The following PRKCA variants were observed in gnomAD, a reference collection of about 807,000 sequenced individuals.
The protein encoded by PRKCA is protein kinase C alpha.
Under a neutral mutation model 87.0 loss-of-function variants are expected in PRKCA, and 27 were observed. The ratio of observed to expected loss-of-function variants is 0.31; its 90% CI spans 0.23 to 0.43. The LOEUF is 0.43. PRKCA is among the 20% of genes least tolerant of loss of function. The pLI is 1.00. For missense variants in PRKCA, 518 were observed against 852.3 expected (o/e 0.61, Z 4.88); for synonymous variants, 329 against 311.1 (o/e 1.06, Z -0.61).
At position 66,303,006 on chromosome 17, in the gene PRKCA, A is replaced by G. The variant is rs768288690; in HGVS notation, c.155A>G (p.His52Arg). 1 of 1,610,078 alleles carries G rather than the reference A, an allele frequency of 6.2e-7. No homozygotes were observed. Among genetic ancestry groups the G allele is most frequent in the Non-Finnish European group, 8.5e-7 (1 of 1,178,182 alleles). ...TTCAAGCAGCCCACCTTCTGCAGCC[A>G]CTGCACCGACTTCATCTGGTAGGTG... The part of the protein sequence containing the change: ...RFFKQPTFCS[H>R]CTDFIWGFGK... Residue 52 changes from histidine to arginine, a missense_variant, in exon 1 of 17, where the codon CAC (histidine) becomes CGC (arginine). Physicochemically the swap from His to Arg is conservative, Grantham distance 29. Transcript: ENST00000413366.
chr17:66,485,608 G>A (rs1330501429), intron 2 of PRKCA, among the ~76,000 whole-genome samples: 1 of 152,194 alleles, frequency 6.6e-6, no homozygotes, highest in Non-Finnish European at 1.5e-5. Context: ...TGGGGTTGCT[G>A]TGAAGCTTAA....
At chr17:66,683,641 C>T (rs913345364) in intron 5 of PRKCA, among the ~76,000 whole-genome samples, 2 of 152,104 alleles carry the variant, frequency 1.3e-5, no homozygotes, top group African/African-American at 4.8e-5. Flanking sequence ...ACTGTGTCAC[C>T]CAGGCTGGAG....
At chr17:66,336,915 A>G (rs1906730832) in intron 2 of PRKCA, among the ~76,000 whole-genome samples, 1 of 151,802 alleles carries the variant, frequency 6.6e-6, no homozygotes, top group Non-Finnish European at 1.5e-5. Flanking sequence ...CAGCCTCCCA[A>G]GTAGCTGGGG....
intron 2 of PRKCA, among the ~76,000 whole-genome samples, chr17:66,346,389 G>A (rs371135056): frequency 7.3e-5 from 11 of 150,254 alleles, no homozygotes; most frequent in African/African-American, 2.5e-4. Flanking sequence ...GAGCCACCAC[G>A]CCCTGCTGAG....
intron 5 of PRKCA, among the ~76,000 whole-genome samples, chr17:66,673,254 C>T (rs918211827): frequency 4.6e-5 from 7 of 152,154 alleles, no homozygotes; most frequent in East Asian, 1.9e-4. Flanking sequence ...CACAGTCCTC[C>T]GAATTCTCTT....
At chr17:66,653,262 AAC>A (rs1233022075) in intron 5 of PRKCA, among the ~76,000 whole-genome samples, 4 of 152,218 alleles carry the variant, frequency 2.6e-5, no homozygotes, top group African/African-American at 9.7e-5. Context: ...ATGTGAGTTA[AAC>A]AGCTAAAGGA....
intron 3 of PRKCA, among the ~76,000 whole-genome samples, chr17:66,618,788 T>A (rs1255945022): frequency 6.6e-6 from 1 of 152,246 alleles, no homozygotes; most frequent in Non-Finnish European, 1.5e-5. Context: ...CATAGACCTT[T>A]GCTGAGAATC....
At chr17:66,586,946 G>T (rs1969614587) in intron 3 of PRKCA, among the ~76,000 whole-genome samples, 1 of 152,188 alleles carries the variant, frequency 6.6e-6, no homozygotes, top group Admixed American at 6.5e-5. Flanking sequence ...GGCAGAGTTG[G>T]TGGTGAAGGG....
intron 2 of PRKCA, among the ~76,000 whole-genome samples, chr17:66,409,696 G>A (rs746360955): frequency 5.9e-5 from 9 of 152,178 alleles, no homozygotes; most frequent in East Asian, 3.9e-4. Flanking sequence ...TTGGGAGGCC[G>A]AGGTGGGCGG....
chr17:66,620,971 T>C (rs1472319021), intron 3 of PRKCA, among the ~76,000 whole-genome samples: 1 of 152,220 alleles, frequency 6.6e-6, no homozygotes, highest in African/African-American at 2.4e-5. Context: ...AATAAGTCTT[T>C]ATCCATTCAT....
intron 2 of PRKCA, among the ~76,000 whole-genome samples, chr17:66,330,106 T>A (rs1485025637): frequency 2.8e-3 from 1 of 352 alleles, no homozygotes; most frequent in Non-Finnish European, 8.5e-3. Flanking sequence ...TTTCCTGGAT[T>A]TTTTTTTTTT....
intron 5 of PRKCA, among the ~76,000 whole-genome samples, chr17:66,683,042 T>A (rs957610930): frequency 1.3e-5 from 2 of 151,964 alleles, no homozygotes; most frequent in African/African-American, 4.8e-5. Flanking sequence ...TCAATCTCAG[T>A]TGAAGCAGCA....
intron 12 of PRKCA, among the ~76,000 whole-genome samples, chr17:66,742,074 G>A (rs1254689990): frequency 6.6e-6 from 1 of 152,186 alleles, no homozygotes; most frequent in Non-Finnish European, 1.5e-5. Flanking sequence ...GGGAACTGGG[G>A]AGAGGCAAGG....
chr17:66,756,308 C>T (rs188771122), intron 13 of PRKCA, among the ~76,000 whole-genome samples: 330 of 152,228 alleles, frequency 2.2e-3, no homozygotes, highest in Non-Finnish European at 3.3e-3. Flanking sequence ...GGGACATCCC[C>T]GATTCCAATC....
In PRKCA at chr17:66,343,028, C is replaced by CT. The variant is rs557187604; in HGVS notation, c.205+36908dup. On this transcript the variant is annotated intron_variant, in intron 2 of 16. Coordinates refer to ENST00000413366, the MANE Select transcript of PRKCA (RefSeq NM_002737.3). Reference sequence around the variant, plus strand: ...TCTGCATTGCATAAATTCTCTATTTCTTTTTTTAAAAAAGAAGCATAATAT... The same window carrying CT: ...TCTGCATTGCATAAATTCTCTATTTCTTTTTTTTAAAAAAGAAGCATAATAT... 2.0e-3 allele frequency among the ~76,000 whole-genome samples: 303 copies of CT among 151,596 alleles called. 1 individual carries two copies. The highest frequency in any genetic ancestry group is 6.8e-3 in the African/African-American group (280 of 41,340).
chr17:66,349,897 A>G (rs1176069156), intron 2 of PRKCA, among the ~76,000 whole-genome samples: 4 of 151,864 alleles, frequency 2.6e-5, no homozygotes, highest in Admixed American at 2.6e-4. Flanking sequence ...GGAATTGGAA[A>G]CTTAGGGTTT....
Position 66,689,102 on chromosome 17 carries a change from G to T in PRKCA, c.918+55G>T. 1 of 1,139,076 alleles carries T rather than the reference G, an allele frequency of 8.8e-7. No individual in the cohort carries two copies. Among genetic ancestry groups the T allele is most frequent in the South Asian group, 1.5e-5 (1 of 67,962 alleles). The allele number at this position is 1,139,076 out of a possible 1,614,324, so 70.6% of individuals were successfully genotyped here. On this transcript the variant is annotated intron_variant, in intron 8 of 16. Coordinates refer to ENST00000413366, the MANE Select transcript of PRKCA (RefSeq NM_002737.3). The surrounding 1 kb of genome is among the most constrained non-coding windows in gnomAD (Gnocchi z 4.1). Reference sequence around the variant, plus strand: ...TTTCCTTTAGAAAGCCCAACTTCAGGAACGGCCGAGATGTTGTGGTCACAT... The same window carrying T: ...TTTCCTTTAGAAAGCCCAACTTCAGTAACGGCCGAGATGTTGTGGTCACAT...
At chr17:66,705,419 C>A (rs1291654519) in intron 8 of PRKCA, among the ~76,000 whole-genome samples, 13 of 152,140 alleles carry the variant, frequency 8.5e-5, no homozygotes, top group Non-Finnish European at 1.8e-4. Context: ...AGGGAGGGTG[C>A]ATGCATTTAT....
intron 2 of PRKCA, among the ~76,000 whole-genome samples, chr17:66,347,079 G>T (rs1324656544): frequency 6.6e-6 from 1 of 151,400 alleles, no homozygotes; most frequent in Non-Finnish European, 1.5e-5. Context: ...TATTTACATA[G>T]ATTTTATCTA....
Sources: allele counts gnomAD v4.1 joint callset (sites outside exome capture counted in the v4.1 genomes callset), GRCh38; gene constraint gnomAD v4.1.1; non-coding constraint Gnocchi (gnomAD v3.1); transcripts MANE v1.5; gene names NCBI Gene and HGNC (gene_info 2026-07-23, HGNC 2026-07-21).